The following CAMK2B variants were observed in gnomAD, a reference collection of about 807,000 sequenced individuals.
CAMK2B encodes the protein calcium/calmodulin dependent protein kinase II beta, also known as calcium/calmodulin-dependent protein kinase type II subunit beta.
A neutral mutation model predicts 93.7 loss-of-function variants in CAMK2B; 27 were observed. The observed-to-expected ratio is 0.29, with a 90% CI of 0.21 to 0.40. The LOEUF (loss-of-function observed/expected upper bound fraction) is 0.40, where lower values mean the gene tolerates loss of function less well. Among genes scored for constraint, CAMK2B ranks in the 10% least tolerant of loss-of-function variants. The pLI is 1.00. For missense variants in CAMK2B, 568 were observed against 895.8 expected (o/e 0.63, Z 4.67); for synonymous variants, 374 against 358.8 (o/e 1.04, Z -0.48).
intron 2 of CAMK2B, among the ~76,000 whole-genome samples, chr7:44,265,226 C>T (rs1487356972): frequency 1.3e-5 from 2 of 152,226 alleles, no homozygotes; most frequent in Non-Finnish European, 2.9e-5. Context: ...GTGTGTAACA[C>T]CAGGCAGCAC....
rs904828284 is a variant in CAMK2B, at chr7:44,286,621, G to A, written c.66-2396C>T. 6.6e-6 allele frequency among the ~76,000 whole-genome samples: 1 copy of A among 152,208 alleles called. No homozygotes were observed. On this transcript the variant is annotated intron_variant, in intron 1 of 23. Transcript: ENST00000395749. The surrounding 1 kb of genome is among the most constrained non-coding windows in gnomAD (Gnocchi z 4.0). ...GCACCATATCACCAAGAGCCTGACC[G>A]CAGGTGGGTGGGACAAGGGCTTCCT...
intron 1 of CAMK2B, among the ~76,000 whole-genome samples, chr7:44,315,751 T>C (rs1244393875): frequency 2.6e-5 from 4 of 152,204 alleles, no homozygotes; most frequent in Admixed American, 2.6e-4. Context: ...CAACAGTGGT[T>C]TGTGGTTTTC....
intron 1 of CAMK2B, among the ~76,000 whole-genome samples, chr7:44,285,827 C>T (rs1333343172): frequency 2.0e-5 from 1 of 49,758 alleles, no homozygotes; most frequent in Non-Finnish European, 3.7e-5. Flanking sequence ...GGAGGCGCGG[C>T]GGAGGGGGCG....
At chr7:44,289,121 C>T (rs1420924021) in intron 1 of CAMK2B, among the ~76,000 whole-genome samples, 1 of 152,204 alleles carries the variant, frequency 6.6e-6, no homozygotes, top group Non-Finnish European at 1.5e-5. Context: ...CCCCAACCCT[C>T]GTGCCTGCCT....
chr7:44,228,941 G>A lies in CAMK2B; in HGVS notation c.1340-17C>T, dbSNP rs1029836986. ...TCCTGGGGGCTGGGGTGGAACAGAT[G>A]AGACGTGAACATGAGGCAGACAGAC... On this transcript the variant is annotated splice_polypyrimidine_tract_variant and intron_variant, in intron 18 of 23. Transcript: ENST00000395749. 6.2e-7 allele frequency: 1 copy of A among 1,608,724 alleles called. No homozygotes were observed. Among genetic ancestry groups the A allele is most frequent in the Non-Finnish European group, 8.5e-7 (1 of 1,177,354 alleles).
At chr7:44,292,101 G>A (rs1170346053) in intron 1 of CAMK2B, among the ~76,000 whole-genome samples, 7 of 152,100 alleles carry the variant, frequency 4.6e-5, no homozygotes, top group Admixed American at 4.6e-4. Context: ...TCCTTCCTAG[G>A]GCTGGGAGGG....
rs900875852 is a variant in CAMK2B, at chr7:44,325,584, A to G, written c.-163T>C. On this transcript the variant is annotated 5_prime_UTR_variant, in exon 1 of 24. Transcript: ENST00000395749. ...CTGGGCTGCGCCGGGCGGCGAGCGC[A>G]CGCGAGATCTGCTCGCTCCGTCCTC... 5.4e-6 allele frequency: 1 copy of G among 186,454 alleles called. No homozygotes were observed. Among genetic ancestry groups the G allele is most frequent in the African/African-American group, 2.4e-5 (1 of 40,890 alleles). 11.5% of individuals were successfully genotyped at this position (186,454 alleles called of 1,614,324 possible).
chr7:44,244,216 TG>T (rs1376863183), intron 6 of CAMK2B, among the ~76,000 whole-genome samples: 1 of 152,152 alleles, frequency 6.6e-6, no homozygotes, highest in Non-Finnish European at 1.5e-5. Flanking sequence ...ATCCACAGGT[TG>T]GGGGGTTACT....
intron 1 of CAMK2B, among the ~76,000 whole-genome samples, chr7:44,293,593 G>T (rs1025470972): frequency 1.9e-4 from 29 of 152,192 alleles, no homozygotes; most frequent in African/African-American, 4.8e-4. Flanking sequence ...AAAATAGTTT[G>T]AACAGAATGA....
At chr7:44,298,658 G>A (rs1027426523) in intron 1 of CAMK2B, among the ~76,000 whole-genome samples, 5 of 152,134 alleles carry the variant, frequency 3.3e-5, no homozygotes, top group Non-Finnish European at 7.4e-5. Flanking sequence ...AAATATAGGA[G>A]AACTACTAAA....
chr7:44,301,427 G>A (rs1271919753), intron 1 of CAMK2B, among the ~76,000 whole-genome samples: 1 of 152,190 alleles, frequency 6.6e-6, no homozygotes. Flanking sequence ...GTCAGCCATT[G>A]CACCTGGCCA....
Position 44,225,657 on chromosome 7 carries a change from T to C in CAMK2B, c.1597+859A>G, listed in dbSNP as rs536927247. On this transcript the variant is annotated intron_variant, in intron 20 of 23. Coordinates refer to ENST00000395749, the MANE Select transcript of CAMK2B (RefSeq NM_001220.5). The surrounding 1 kb of genome is among the most constrained non-coding windows in gnomAD (Gnocchi z 5.0). The stretch of plus-strand genomic sequence containing the variant: ...TCCTCGAGCCGCTGCTCCTGTGGGT[T>C]CACTCTCCCCACACCCTTCTGCCCT... 14 of 1,063,644 alleles carry C rather than the reference T, an allele frequency of 1.3e-5. No homozygotes were observed. The East Asian group carries it at 8.4e-4, about 64-fold the overall frequency. The allele number at this position is 1,063,644 out of a possible 1,614,324, so 65.9% of individuals were successfully genotyped here.
In CAMK2B at chr7:44,248,350, C is replaced by T. The variant is rs962778603; in HGVS notation, c.342-1158G>A. On this transcript the variant is annotated intron_variant, in intron 5 of 23. Transcript: ENST00000395749. This position sits in a 1 kb window ranked among gnomAD's most constrained non-coding sequence, Gnocchi z 4.1. ...ACATCAGACCCAGGGCCACGGAGCC[C>T]CTGCACACACCGAGAGCCCGTGGCT... is the stretch of plus-strand genomic sequence containing the variant. Among the ~76,000 whole-genome samples the T allele has an allele frequency of 1.3e-5, 2 of 152,152 alleles. No individual in the cohort carries two copies. The highest frequency in any genetic ancestry group is 1.9e-4 in the East Asian group (1 of 5,184).
chr7:44,288,360 C>G (rs1785718448), intron 1 of CAMK2B, among the ~76,000 whole-genome samples: 1 of 152,226 alleles, frequency 6.6e-6, no homozygotes, highest in Non-Finnish European at 1.5e-5. Flanking sequence ...TGATCACACG[C>G]CTGCCTCTAG....
intron 1 of CAMK2B, among the ~76,000 whole-genome samples, chr7:44,298,027 G>A (rs1350632351): frequency 6.6e-6 from 1 of 152,200 alleles, no homozygotes; most frequent in Non-Finnish European, 1.5e-5. Context: ...AGGAGGCTGA[G>A]GCAGGAGAAT....
intron 15 of CAMK2B, among the ~76,000 whole-genome samples, chr7:44,233,109 TGCTGTCCA>T (rs1347989643): frequency 1.3e-5 from 2 of 152,078 alleles, no homozygotes; most frequent in African/African-American, 4.8e-5. Flanking sequence ...GCGGAGGTGC[TGCTGTCCA>T]GGGTGGGAGA....
rs76324905 is a variant in CAMK2B at position 44,257,088 on chromosome 7, C to T, written c.275+1784G>A. Among the ~76,000 whole-genome samples, 897 of 152,290 alleles carry T rather than the reference C, an allele frequency of 5.9e-3. 42 individuals carry two copies. The highest frequency in any genetic ancestry group is 0.053 in the East Asian group (277 of 5,184). The stretch of plus-strand genomic sequence containing the variant: ...AGGTGTGTGTGAGACCCTCTACTCC[C>T]AGGCCTGGTTCTCAAGCCCTGTGAC... On this transcript the variant is annotated intron_variant, in intron 4 of 23. Coordinates refer to ENST00000395749, the MANE Select transcript of CAMK2B (RefSeq NM_001220.5).
intron 3 of CAMK2B, among the ~76,000 whole-genome samples, chr7:44,259,184 A>T (rs1159255648): frequency 6.6e-6 from 1 of 151,996 alleles, no homozygotes; most frequent in East Asian, 1.9e-4. Context: ...CCAGTGCCTC[A>T]CCCTCCGCTG....
At chr7:44,262,954 G>C (rs777994976) in intron 3 of CAMK2B, 51 bp downstream of exon 3, 2 of 1,505,010 alleles carry the variant, frequency 1.3e-6, no homozygotes, top group African/African-American at 2.8e-5. Flanking sequence ...ATGGGCTGCT[G>C]TCCGGGAGAA....
Sources: allele counts gnomAD v4.1 joint callset (sites outside exome capture counted in the v4.1 genomes callset), GRCh38; gene constraint gnomAD v4.1.1; non-coding constraint Gnocchi (gnomAD v3.1); transcripts MANE v1.5; gene names NCBI Gene and HGNC (gene_info 2026-07-23, HGNC 2026-07-21).